KCNQ4: variants seen among roughly 807,000 people sequenced by gnomAD.
KCNQ4 encodes the protein potassium voltage-gated channel subfamily KQT member 4.
In KCNQ4, 31 loss-of-function variants were observed where a neutral mutation model predicts 72.6. The observed-to-expected ratio is 0.43, with a 90% confidence interval of 0.32 to 0.58. KCNQ4 has a LOEUF of 0.58. Among genes scored for constraint, KCNQ4 ranks in the 20% least tolerant of loss-of-function variants. KCNQ4 has a pLI of 0.08. For synonymous variants in KCNQ4, 405 were observed against 403.7 expected, an observed-to-expected ratio of 1.00 and a Z score of -0.04; for missense variants, 869 against 962.6, an observed-to-expected ratio of 0.90 and a Z score of 1.29.
intron 1 of KCNQ4, among the ~76,000 whole-genome samples, chr1:40,786,725 G>A (rs1287676111): frequency 3.3e-5 from 5 of 152,138 alleles, no homozygotes; most frequent in Non-Finnish European, 7.4e-5. Flanking sequence ...CCCCAACCTT[G>A]CGGCCTCTCT....
chr1:40,818,018 G>C (rs1327477723), intron 2 of KCNQ4, 146 bp from the exon 3 acceptor site: 2 of 1,022,660 alleles, frequency 2.0e-6, no homozygotes, highest in Non-Finnish European at 3.0e-6. Flanking sequence ...CTGCCCTCCG[G>C]AATCGTCAAG....
chr1:40,826,199 A>G (rs762480995), intron 9 of KCNQ4, among the ~76,000 whole-genome samples: 5 of 152,234 alleles, frequency 3.3e-5, no homozygotes, highest in African/African-American at 4.8e-5. Flanking sequence ...TTGGGGATGG[A>G]CCTGGGCCAA....
chr1:40,807,704 G>A (rs2148309197), intron 1 of KCNQ4, among the ~76,000 whole-genome samples: 1 of 152,330 alleles, frequency 6.6e-6, no homozygotes, highest in South Asian at 2.1e-4. Flanking sequence ...ATCAGCTCCG[G>A]TTTGGGGTTT....
intron 1 of KCNQ4, among the ~76,000 whole-genome samples, chr1:40,806,541 C>T (rs1647764060): frequency 6.6e-6 from 1 of 152,344 alleles, no homozygotes; most frequent in African/African-American, 2.4e-5. Flanking sequence ...AGCTATTCCT[C>T]ATCAAACACC....
intron 1 of KCNQ4, among the ~76,000 whole-genome samples, chr1:40,810,904 C>T (rs1044075191): frequency 2.0e-5 from 3 of 152,172 alleles, no homozygotes; most frequent in South Asian, 2.1e-4. Flanking sequence ...TCAGGTCCTG[C>T]GCTTATGACT....
At chr1:40,818,055 G>C (rs1648152390) in intron 2 of KCNQ4, 109 bp from the exon 3 acceptor site, 5 of 1,443,078 alleles carry the variant, frequency 3.5e-6, no homozygotes, top group African/African-American at 1.4e-5. Context: ...AGAGGGGTCC[G>C]AGGAGGCCCT....
intron 1 of KCNQ4, among the ~76,000 whole-genome samples, chr1:40,816,107 A>G (rs1345455135): frequency 6.6e-6 from 1 of 152,154 alleles, no homozygotes; most frequent in African/African-American, 2.4e-5. Flanking sequence ...AGGCACAGAC[A>G]TGAGGTGTTC....
At chr1:40,824,551 CT>C (rs1648419002) in intron 9 of KCNQ4, among the ~76,000 whole-genome samples, 1 of 152,208 alleles carries the variant, frequency 6.6e-6, no homozygotes, top group Non-Finnish European at 1.5e-5. Flanking sequence ...CTTTCTTTCT[CT>C]GTTCCCACGT....
chr1:40,816,361 C>A (rs1166629831), intron 1 of KCNQ4, among the ~76,000 whole-genome samples: 1 of 152,158 alleles, frequency 6.6e-6, no homozygotes, highest in African/African-American at 2.4e-5. Context: ...CTTCACCCAT[C>A]CACATACCGC....
intron 1 of KCNQ4, among the ~76,000 whole-genome samples, chr1:40,795,138 A>G (rs1373203118): frequency 1.3e-5 from 2 of 151,946 alleles, no homozygotes; most frequent in Admixed American, 6.5e-5. Flanking sequence ...CAGCTTCCTT[A>G]TACATAGAAT....
rs369732018 is a variant in KCNQ4 at position 40,833,096 on chromosome 1, A to T, written c.1596A>T (p.Thr532=). ...ACGACATCATGCCTGCTGTGAAGAC[A>T]GTCATCCGCTCCATCAGGTAAGACT... ...TVDDIMPAVK[T]VIRSIRILKF... is the part of the protein sequence containing the mutation. The change falls in exon 11 of 14, where the codon ACA becomes ACT. Residue 532 remains threonine, a synonymous_variant. Transcript: ENST00000347132. The T allele has an allele frequency of 6.2e-7, 1 of 1,611,828 alleles. No homozygotes were observed. Among genetic ancestry groups the T allele is most frequent in the African/African-American group, 1.3e-5 (1 of 74,904 alleles).
chr1:40,806,691 T>C (rs942917805), intron 1 of KCNQ4, among the ~76,000 whole-genome samples: 25 of 68,380 alleles, frequency 3.7e-4, no homozygotes, highest in Admixed American at 3.6e-4. Context: ...ACAGATATGG[T>C]AAGGAAAGAG....
At chr1:40,836,632 AGAG>A (rs937248017) in intron 12 of KCNQ4, among the ~76,000 whole-genome samples, 4 of 152,196 alleles carry the variant, frequency 2.6e-5, no homozygotes, top group African/African-American at 9.6e-5. Context: ...TTGCAGAGAT[AGAG>A]GAGGAACTAA....
At chr1:40,816,066 C>T (rs1020531683) in intron 1 of KCNQ4, among the ~76,000 whole-genome samples, 1 of 152,134 alleles carries the variant, frequency 6.6e-6, no homozygotes, top group Non-Finnish European at 1.5e-5. Context: ...ATTTGTGTTC[C>T]TGTAGGCGTG....
Position 40,819,335 on chromosome 1 carries a change from C to T in KCNQ4, c.709-12C>T, listed in dbSNP as rs758692857. On this transcript the variant is annotated splice_polypyrimidine_tract_variant and intron_variant, in intron 4 of 13. Coordinates refer to ENST00000347132, the MANE Select transcript of KCNQ4 (RefSeq NM_004700.4). Reference sequence around the variant, plus strand: ...CAGCGCTCCTCACCGCGCCCCTCCGCCTGCCCCGCAGGAGCTGATCACCGC... The same window carrying T: ...CAGCGCTCCTCACCGCGCCCCTCCGTCTGCCCCGCAGGAGCTGATCACCGC... 3 of 1,613,650 alleles carry T rather than the reference C, an allele frequency of 1.9e-6. No individual in the cohort carries two copies. The highest frequency in any genetic ancestry group is 8.5e-7 in the Non-Finnish European group (1 of 1,179,962).
At chr1:40,812,752 G>A (rs947908363) in intron 1 of KCNQ4, among the ~76,000 whole-genome samples, 11 of 152,218 alleles carry the variant, frequency 7.2e-5, no homozygotes, top group Non-Finnish European at 1.6e-4. Flanking sequence ...GGCAGCCAGA[G>A]GAGTCAGGGA....
chr1:40,811,013 G>T (rs1419564053), intron 1 of KCNQ4, among the ~76,000 whole-genome samples: 1 of 152,214 alleles, frequency 6.6e-6, no homozygotes, highest in Non-Finnish European at 1.5e-5. Flanking sequence ...GTTCAGTTCA[G>T]AGGATTTTAG....
intron 1 of KCNQ4, among the ~76,000 whole-genome samples, chr1:40,807,421 G>C (rs553707433): frequency 6.6e-6 from 1 of 152,290 alleles, no homozygotes; most frequent in African/African-American, 2.4e-5. Context: ...AAGCAGCAGC[G>C]GCAGTGGCGG....
At chr1:40,795,255 C>CTT (rs10632610) in intron 1 of KCNQ4, among the ~76,000 whole-genome samples, 66,208 of 128,152 alleles carry the variant, frequency 0.52, 17,543 homozygotes, top group East Asian at 0.72. Context: ...GTGGTTTTAC[C>CTT]TTTTTTTTTT....
Sources: gnomAD v4.1 joint callset for allele counts (sites outside exome capture counted in the v4.1 genomes callset) on GRCh38, gnomAD v4.1.1 for gene constraint, MANE v1.5 for transcripts, NCBI Gene and HGNC (gene_info 2026-07-23, HGNC 2026-07-21) for gene names.